The following RAD51B variants were observed in gnomAD, a reference collection of about 807,000 sequenced individuals.
The protein encoded by RAD51B is DNA repair protein RAD51 homolog 2.
A neutral mutation model predicts 42.2 loss-of-function variants in RAD51B; 38 were observed. The observed-to-expected ratio is 0.90, with a 90% CI of 0.70 to 1.18. The LOEUF is 1.18. Ranked by LOEUF, RAD51B falls within the 50% of genes most tolerant of loss-of-function variation. The pLI is 0.00. For missense variants in RAD51B, 373 were observed against 400.7 expected, an observed-to-expected ratio of 0.93 and a Z score of 0.59; for synonymous variants, 154 against 145.2, an observed-to-expected ratio of 1.06 and a Z score of -0.43.
At chr14:68,543,244 G>A (rs1888059217) in intron 10 of RAD51B, among the ~76,000 whole-genome samples, 1 of 152,136 alleles carries the variant, frequency 6.6e-6, no homozygotes, top group Admixed American at 6.5e-5. Context: ...TGGTCCTTGG[G>A]CTGTAGTTTG....
Position 68,248,500 on chromosome 14 carries a change from G to A in RAD51B, c.757-43384G>A, listed in dbSNP as rs1400849814. On this transcript the variant is annotated intron_variant, in intron 7 of 10. Transcript: ENST00000471583. ...GAAAAAAAAAATGCAGTTTAGTGAAGTTCATGATTCTACTTTTACTCTTCT... is the reference window on the plus strand; with the variant it reads ...GAAAAAAAAAATGCAGTTTAGTGAAATTCATGATTCTACTTTTACTCTTCT... Among the ~76,000 whole-genome samples, 3 of 151,934 alleles carry A rather than the reference G, an allele frequency of 2.0e-5. No individual in the cohort carries two copies. The East Asian group carries it at 5.8e-4, about 29-fold the overall frequency.
chr14:68,435,333 C>T (rs1295945803), intron 9 of RAD51B, among the ~76,000 whole-genome samples: 1 of 152,140 alleles, frequency 6.6e-6, no homozygotes, highest in Non-Finnish European at 1.5e-5. Flanking sequence ...CCAGCTGCAT[C>T]CATGTTGCTG....
At chr14:68,293,026 G>A (rs35259879) in intron 8 of RAD51B, among the ~76,000 whole-genome samples, 1 of 151,912 alleles carries the variant, frequency 6.6e-6, no homozygotes, top group Non-Finnish European at 1.5e-5. Flanking sequence ...TCTTTCCTTT[G>A]TCCCCTCTTT....
intron 7 of RAD51B, among the ~76,000 whole-genome samples, chr14:68,127,604 AACACACACAC>A (rs1158570155): frequency 0.012 from 1,669 of 133,618 alleles, 13 homozygotes; most frequent in Middle Eastern, 0.03. Flanking sequence ...TGTACATTGT[AACACACACAC>A]ACACACACAC....
At chr14:68,099,088 T>A (rs527411527) in intron 7 of RAD51B, among the ~76,000 whole-genome samples, 91 of 152,364 alleles carry the variant, frequency 6.0e-4, no homozygotes, top group African/African-American at 2.1e-3. Context: ...TTTCTTTAAT[T>A]GCTAGGTTTA....
In RAD51B at chr14:68,565,879, T is replaced by C. The variant is rs975287466; in HGVS notation, c.1037-28606T>C. On this transcript the variant is annotated intron_variant, in intron 10 of 10. Coordinates refer to the RAD51B transcript ENST00000487270. The surrounding 1 kb of genome is among the most constrained non-coding windows in gnomAD (Gnocchi z 4.1). ...GGGGAGGGTATCTGGATCTTTTCCC[T>C]GGAGGTGTCTGGCCACTCTCATCCC... is the stretch of plus-strand genomic sequence containing the variant. 1.3e-5 allele frequency among the ~76,000 whole-genome samples: 2 copies of C among 152,184 alleles called. No homozygotes were observed. Among genetic ancestry groups the C allele is most frequent in the African/African-American group, 2.4e-5 (1 of 41,438 alleles).
chr14:68,023,758 C>G (rs1436701375), intron 7 of RAD51B, among the ~76,000 whole-genome samples: 1 of 152,152 alleles, frequency 6.6e-6, no homozygotes, highest in African/African-American at 2.4e-5. Context: ...CTGCTGGATG[C>G]AGAGTTTGTG....
rs565530217 is a variant in RAD51B, at chr14:67,878,023, C to T, written c.453-7846C>T. Among the ~76,000 whole-genome samples, 17 of 152,292 alleles carry T rather than the reference C, an allele frequency of 1.1e-4. No individual in the cohort carries two copies. The South Asian group carries it at 2.9e-3, about 26-fold the overall frequency. On this transcript the variant is annotated intron_variant, in intron 5 of 10. Coordinates refer to ENST00000471583, the MANE Select transcript of RAD51B (RefSeq NM_133510.4). ...GTATTGGTTTTCAGATCTTAATTAA[C>T]AAGTTTTCCCCCACTATTAGTTATC...
downstream of RAD51B, among the ~76,000 whole-genome samples, chr14:68,599,042 G>T (rs1412057896): frequency 6.6e-6 from 1 of 152,174 alleles, no homozygotes; most frequent in Admixed American, 6.5e-5. Context: ...AGGAAAACAC[G>T]GCCGACTTTC....
At chr14:68,260,141 T>A (rs1344251750) in intron 7 of RAD51B, among the ~76,000 whole-genome samples, 2 of 151,960 alleles carry the variant, frequency 1.3e-5, no homozygotes, top group African/African-American at 4.8e-5. Context: ...GGACTTGCAT[T>A]AGCTGAGACC....
At chr14:68,071,199 T>A (rs1406222595) in intron 7 of RAD51B, among the ~76,000 whole-genome samples, 1 of 152,146 alleles carries the variant, frequency 6.6e-6, no homozygotes, top group Non-Finnish European at 1.5e-5. Context: ...TATAGTATCA[T>A]ATTGTCTATG....
chr14:68,090,871 T>G, intron 7 of RAD51B, among the ~76,000 whole-genome samples: 1 of 99,700 alleles, frequency 1.0e-5, no homozygotes, highest in East Asian at 3.5e-4. Flanking sequence ...CCCACAACAG[T>G]CCCCAGAGTG....
intron 8 of RAD51B, among the ~76,000 whole-genome samples, chr14:68,314,972 A>T (rs1392310002): frequency 6.6e-6 from 1 of 152,174 alleles, no homozygotes; most frequent in East Asian, 1.9e-4. Context: ...GTGTATCTCA[A>T]CCAAGAAGAT....
At chr14:68,218,894 A>G (rs2079869535) in intron 7 of RAD51B, among the ~76,000 whole-genome samples, 1 of 152,212 alleles carries the variant, frequency 6.6e-6, no homozygotes, top group African/African-American at 2.4e-5. Flanking sequence ...TATGCAGCCA[A>G]AAATGTGGTC....
chr14:68,244,444 T>C (rs956098810), intron 7 of RAD51B, among the ~76,000 whole-genome samples: 12 of 152,230 alleles, frequency 7.9e-5, no homozygotes, highest in Non-Finnish European at 1.6e-4. Flanking sequence ...TCAGAGAAGA[T>C]GGAGCAAACA....
intron 11 of RAD51B, among the ~76,000 whole-genome samples, chr14:68,674,412 T>G (rs1230896622): frequency 3.9e-5 from 6 of 152,092 alleles, no homozygotes; most frequent in Non-Finnish European, 7.4e-5. Flanking sequence ...TTCTAATGTA[T>G]CATACATATT....
At chr14:68,416,988 A>T (rs945058529) in intron 9 of RAD51B, among the ~76,000 whole-genome samples, 7 of 152,168 alleles carry the variant, frequency 4.6e-5, no homozygotes, top group Admixed American at 4.6e-4. Flanking sequence ...AAGTTGATAA[A>T]TTTTTTTTCC....
chr14:68,168,795 T>C (rs887563524), intron 7 of RAD51B, among the ~76,000 whole-genome samples: 1 of 152,194 alleles, frequency 6.6e-6, no homozygotes, highest in Non-Finnish European at 1.5e-5. Context: ...GAAATAAGAC[T>C]CTCATATTGA....
chr14:67,869,492 A>G (rs2042446829), intron 5 of RAD51B, among the ~76,000 whole-genome samples: 1 of 152,222 alleles, frequency 6.6e-6, no homozygotes, highest in South Asian at 2.1e-4. Context: ...GGAGAATGGA[A>G]CCAAGTTGGA....
Sources: gnomAD v4.1 joint callset for allele counts (sites outside exome capture counted in the v4.1 genomes callset) on GRCh38, gnomAD v4.1.1 for gene constraint, Gnocchi (gnomAD v3.1) non-coding constraint, MANE v1.5 for transcripts, NCBI Gene and HGNC (gene_info 2026-07-23, HGNC 2026-07-21) for gene names.